Variants in RBMS3 observed in about 807,000 individuals in gnomAD.
RBMS3 encodes the protein RNA-binding motif, single-stranded-interacting protein 3.
Under a neutral mutation model 66.8 loss-of-function variants are expected in RBMS3, and 27 were observed. That is an observed-to-expected ratio of 0.40 (90% CI 0.30 to 0.56). The LOEUF (loss-of-function observed/expected upper bound fraction) is 0.56, where lower values mean the gene tolerates loss of function less well. Ranked by LOEUF, RBMS3 falls within the 20% of genes least tolerant of loss-of-function variation. The probability of loss-of-function intolerance (pLI) is 0.40; values close to 1 mark genes in which losing one functional copy is unlikely to be tolerated. For synonymous variants in RBMS3, 188 were observed against 183.0 expected (o/e 1.03, Z -0.22); for missense variants, 513 against 549.5 (o/e 0.93, Z 0.66).
In RBMS3 at chr3:29,723,133, G is replaced by A. The variant is rs1413103065; in HGVS notation, c.400-16587G>A. On this transcript the variant is annotated intron_variant, in intron 4 of 14. Coordinates refer to ENST00000383767, the MANE Select transcript of RBMS3 (RefSeq NM_001003793.3). ...TGGGATTACAGGCGCACATCCCCAC[G>A]CCTGGCTAATTTTTTGTATTTTTAG... Among the ~76,000 whole-genome samples, 25 of 147,732 alleles carry A rather than the reference G, an allele frequency of 1.7e-4. No homozygotes were observed. In the South Asian group the frequency reaches 2.4e-3, roughly 14 times the overall value.
chr3:29,640,128 G>T (rs1466656577), intron 4 of RBMS3, among the ~76,000 whole-genome samples: 1 of 151,774 alleles, frequency 6.6e-6, no homozygotes, highest in Non-Finnish European at 1.5e-5. Context: ...TAGCAAATCA[G>T]AATGGCATAT....
chr3:29,915,611 C>T (rs1471319696), intron 10 of RBMS3, among the ~76,000 whole-genome samples: 1 of 151,948 alleles, frequency 6.6e-6, no homozygotes, highest in Non-Finnish European at 1.5e-5. Context: ...AACTTTCCTT[C>T]ATGTCTTTTT....
At chr3:29,884,036 T>TAC in intron 7 of RBMS3, 126 bp from the exon 8 acceptor site, 2 of 785,974 alleles carry the variant, frequency 2.5e-6, no homozygotes, top group Non-Finnish European at 2.1e-6. Flanking sequence ...CATAGAGATA[T>TAC]ACATAGGAGA....
At chr3:29,453,991 A>AT (rs755663966) in intron 2 of RBMS3, among the ~76,000 whole-genome samples, 26 of 152,348 alleles carry the variant, frequency 1.7e-4, no homozygotes, top group Middle Eastern at 3.4e-3. Flanking sequence ...AGTGACTGTA[A>AT]TGATAGTAGC....
chr3:29,537,840 GAAAGAAAGA>G (rs2045629500), intron 3 of RBMS3, among the ~76,000 whole-genome samples: 3 of 137,402 alleles, frequency 2.2e-5, no homozygotes, highest in Admixed American at 1.4e-4. Flanking sequence ...AAAAAAAAAA[GAAAGAAAGA>G]AAAAAAATTT....
chr3:29,567,023 A>G lies in RBMS3; in HGVS notation c.308-20091A>G, dbSNP rs554960926. ...CTTTCTTTCTATCATCATGGCATGT[A>G]CTGTTCATGTGTTATAGGTTTTTGT... On this transcript the variant is annotated intron_variant, in intron 3 of 14. Coordinates refer to ENST00000383767, the MANE Select transcript of RBMS3 (RefSeq NM_001003793.3). Among the ~76,000 whole-genome samples the G allele has an allele frequency of 2.6e-5, 4 of 152,244 alleles. No homozygotes were observed. In the East Asian group the frequency reaches 7.7e-4, roughly 29 times the overall value.
chr3:29,994,916 G>T (rs9681757), intron 14 of RBMS3, among the ~76,000 whole-genome samples: 48,654 of 151,820 alleles, frequency 0.32, 8,606 homozygotes, highest in East Asian at 0.54. Context: ...GAACAAAGCT[G>T]GATGGAGAAT....
At chr3:29,894,493 C>A (rs1054849948) in intron 8 of RBMS3, among the ~76,000 whole-genome samples, 2 of 151,328 alleles carry the variant, frequency 1.3e-5, no homozygotes, top group African/African-American at 4.8e-5. Context: ...TCAGTGTGTG[C>A]GTGTGAGAGA....
intron 4 of RBMS3, among the ~76,000 whole-genome samples, chr3:29,713,287 A>G (rs905288516): frequency 1.3e-5 from 2 of 152,006 alleles, no homozygotes; most frequent in Non-Finnish European, 2.9e-5. Flanking sequence ...CTGTTCCCAT[A>G]TAAGGATGAT....
Position 29,770,496 on chromosome 3 carries a change from T to G in RBMS3, c.637+7507T>G, listed in dbSNP as rs534497724. ...GGAGTTTCCATTTGGTTCCAGAATT[T>G]GATTGATTAAAGTAGTTGTAATTTC... On this transcript the variant is annotated intron_variant, in intron 6 of 14. Transcript: ENST00000383767. Among the ~76,000 whole-genome samples, 11 of 152,070 alleles carry G rather than the reference T, an allele frequency of 7.2e-5. No homozygotes were observed. In the South Asian group the frequency reaches 2.3e-3, roughly 32 times the overall value.
Position 29,500,338 on chromosome 3 carries a change from G to C in RBMS3, c.307+11839G>C, listed in dbSNP as rs9842075. On this transcript the variant is annotated intron_variant, in intron 3 of 14. Transcript: ENST00000383767. ...TTAACAAGTCAAAGATTCCCGTATAGAAAATAGAAATTTTCTCAGTCTATC... is the reference window on the plus strand; with the variant it reads ...TTAACAAGTCAAAGATTCCCGTATACAAAATAGAAATTTTCTCAGTCTATC... Among the ~76,000 whole-genome samples the C allele has an allele frequency of 2.2e-3, 329 of 150,660 alleles. 2 individuals are homozygous for C. The highest frequency in any genetic ancestry group is 7.1e-3 in the African/African-American group (293 of 41,240).
chr3:29,600,308 C>T (rs1419402754), intron 4 of RBMS3, among the ~76,000 whole-genome samples: 1 of 151,982 alleles, frequency 6.6e-6, no homozygotes, highest in African/African-American at 2.4e-5. Flanking sequence ...AGGTAGATCC[C>T]TCATGAATGG....
intron 3 of RBMS3, among the ~76,000 whole-genome samples, chr3:29,576,725 C>T (rs976737973): frequency 1.3e-5 from 2 of 152,180 alleles, no homozygotes; most frequent in Non-Finnish European, 2.9e-5. Flanking sequence ...CTTCCCCTTT[C>T]CACAGGCAGA....
intron 4 of RBMS3, among the ~76,000 whole-genome samples, chr3:29,670,143 A>G (rs184011276): frequency 2.2e-4 from 34 of 152,294 alleles, no homozygotes; most frequent in Middle Eastern, 3.4e-3. Context: ...TCCTACCTAC[A>G]TAAAAGGCTA....
intron 11 of RBMS3, among the ~76,000 whole-genome samples, chr3:29,937,814 G>A (rs2061305452): frequency 1.3e-5 from 2 of 151,904 alleles, no homozygotes; most frequent in Admixed American, 1.3e-4. Context: ...ATTATTTTGT[G>A]CGTTACTAAT....
At position 29,468,792 on chromosome 3, in the gene RBMS3, T is replaced by C. The variant is rs112757736; in HGVS notation, c.249-19649T>C. Among the ~76,000 whole-genome samples, 742 of 152,224 alleles carry C rather than the reference T, an allele frequency of 4.9e-3. 5 individuals carry two copies. Among genetic ancestry groups the C allele is most frequent in the African/African-American group, 0.017 (714 of 41,542 alleles). ...GTTTTCTAAGCTAGAAAAATCTTCT[T>C]CAGACCTAATGTAAATAAGCTACCT... On this transcript the variant is annotated intron_variant, in intron 2 of 14. Transcript: ENST00000383767.
At chr3:29,872,221 A>G (rs1017927872) in intron 7 of RBMS3, among the ~76,000 whole-genome samples, 4 of 152,216 alleles carry the variant, frequency 2.6e-5, no homozygotes, top group Admixed American at 1.3e-4. Flanking sequence ...AACAAAATAA[A>G]TAATAACAGA....
intron 2 of RBMS3, among the ~76,000 whole-genome samples, chr3:29,480,404 C>T (rs1307065079): frequency 6.6e-6 from 1 of 151,788 alleles, no homozygotes; most frequent in East Asian, 1.9e-4. Context: ...CTTGTCTACA[C>T]ACACTTTCTG....
intron 10 of RBMS3, among the ~76,000 whole-genome samples, chr3:29,904,124 G>A (rs999165271): frequency 4.6e-5 from 7 of 151,834 alleles, no homozygotes; most frequent in African/African-American, 7.3e-5. Context: ...CTTTGCTACC[G>A]TTAAATATAA....
Sources: gnomAD v4.1 joint callset for allele counts (sites outside exome capture counted in the v4.1 genomes callset) on GRCh38, gnomAD v4.1.1 for gene constraint, MANE v1.5 for transcripts, NCBI Gene and HGNC (gene_info 2026-07-23, HGNC 2026-07-21) for gene names.